TENM1: variants seen among roughly 807,000 people sequenced by gnomAD.
TENM1 encodes the protein teneurin-1.
In TENM1, 35 loss-of-function variants were observed where a neutral mutation model predicts 174.8. The ratio of observed to expected loss-of-function variants is 0.20; its 90% CI spans 0.15 to 0.27. The LOEUF is 0.27. TENM1 is among the 10% of genes least tolerant of loss of function. The probability of loss-of-function intolerance (pLI) is 1.00; values close to 1 mark genes in which losing one functional copy is unlikely to be tolerated. For missense variants in TENM1, 1,633 were observed against 2,130.1 expected (o/e 0.77, Z 4.59); for synonymous variants, 781 against 798.7 (o/e 0.98, Z 0.37).
intron 6 of TENM1, among the ~76,000 whole-genome samples, chrX:124,655,247 T>C (rs2051411446): frequency 8.9e-6 from 1 of 111,765 alleles, no homozygotes. Context: ...CAGGAGCTGG[T>C]CTGTGAGGGA....
At chrX:124,520,964 A>T (rs896292924) in intron 17 of TENM1, among the ~76,000 whole-genome samples, 180 bp from the exon 21 acceptor site, 2 of 111,352 alleles carry the variant, frequency 1.8e-5, no homozygotes, top group African/African-American at 6.5e-5. Context: ...TAGGTTTTGA[A>T]TTTTGCACCA....
intron 11 of TENM1, among the ~76,000 whole-genome samples, chrX:124,637,593 C>A (rs1237991891): frequency 9.0e-6 from 1 of 111,402 alleles, no homozygotes; most frequent in Non-Finnish European, 1.9e-5. Flanking sequence ...TCTTTAAACA[C>A]CTTAAATGGC....
chrX:124,681,714 A>G (rs886301024), intron 5 of TENM1, among the ~76,000 whole-genome samples: 2 of 111,542 alleles, frequency 1.8e-5, no homozygotes, highest in African/African-American at 6.5e-5. Context: ...ATCTTGGGTA[A>G]GTTATTCTCT....
intron 5 of TENM1, among the ~76,000 whole-genome samples, chrX:124,674,162 T>C (rs2051996438): frequency 9.2e-6 from 1 of 109,172 alleles, no homozygotes. Context: ...ACAGAGGCAA[T>C]AGTTGAAGTT....
the TENM1 span, among the ~76,000 whole-genome samples, chrX:125,037,505 C>T: frequency 1.1e-3 from 121 of 110,968 alleles, no homozygotes; most frequent in Non-Finnish European, 2.0e-3. Flanking sequence ...TTCCCGTTCA[C>T]CCTGCTGATA....
intron 22 of TENM1, among the ~76,000 whole-genome samples, chrX:124,469,269 C>T (rs2061273545): frequency 8.9e-6 from 1 of 112,099 alleles, no homozygotes; most frequent in African/African-American, 3.2e-5. Flanking sequence ...TAGTTATTAG[C>T]TTAAAAAAGT....
At chrX:125,104,313 T>C in the TENM1 span, among the ~76,000 whole-genome samples, 2 of 112,027 alleles carry the variant, frequency 1.8e-5, no homozygotes, top group Non-Finnish European at 3.8e-5. Context: ...TCCAAGCACA[T>C]TGTAGGAGGT....
intron 18 of TENM1, among the ~76,000 whole-genome samples, chrX:124,510,850 T>C (rs1602568935): frequency 9.0e-6 from 1 of 110,863 alleles, no homozygotes; most frequent in Non-Finnish European, 1.9e-5. Context: ...GTATGTTCTA[T>C]TTAATTCTGT....
chrX:125,155,132 A>G, the TENM1 span, among the ~76,000 whole-genome samples: 1 of 111,062 alleles, frequency 9.0e-6, no homozygotes, highest in Non-Finnish European at 1.9e-5. Flanking sequence ...GTTTAAATAA[A>G]TCCCTGAGCT....
intron 3 of TENM1, among the ~76,000 whole-genome samples, chrX:124,879,694 T>C (rs892731220): frequency 5.3e-5 from 6 of 112,297 alleles, no homozygotes; most frequent in Non-Finnish European, 1.1e-4. Context: ...GAAATCTCCA[T>C]ATTGCTTTCA....
intron 3 of TENM1, among the ~76,000 whole-genome samples, chrX:124,763,315 T>C (rs888698302): frequency 4.5e-5 from 5 of 111,028 alleles, no homozygotes; most frequent in Admixed American, 3.9e-4. Context: ...AATATAACAA[T>C]TAAGAGAGGG....
intron 3 of TENM1, among the ~76,000 whole-genome samples, chrX:124,839,192 G>T: frequency 8.9e-6 from 1 of 111,971 alleles, no homozygotes; most frequent in East Asian, 2.8e-4. Flanking sequence ...TGTAAAACAT[G>T]TAAAATATTT....
At chrX:124,390,712 A>C (rs1257376095) in intron 28 of TENM1, among the ~76,000 whole-genome samples, 1 of 112,069 alleles carries the variant, frequency 8.9e-6, no homozygotes, top group Non-Finnish European at 1.9e-5. Flanking sequence ...GAAGGTCATC[A>C]ATATACACCT....
At chrX:125,185,612 C>A in the TENM1 span, among the ~76,000 whole-genome samples, 2 of 112,330 alleles carry the variant, frequency 1.8e-5, no homozygotes, top group African/African-American at 6.5e-5. Context: ...GTTCAATTCT[C>A]AAAGTAAAAT....
intron 27 of TENM1, among the ~76,000 whole-genome samples, chrX:124,394,238 T>A (rs1038637299): frequency 1.8e-5 from 2 of 112,416 alleles, no homozygotes; most frequent in African/African-American, 6.5e-5. Flanking sequence ...ATTCACTAGC[T>A]ACTCAACTAA....
intron 3 of TENM1, among the ~76,000 whole-genome samples, chrX:124,842,509 C>G (rs1468275438): frequency 9.0e-6 from 1 of 111,553 alleles, no homozygotes; most frequent in Non-Finnish European, 1.9e-5. Flanking sequence ...GACTGGGTGG[C>G]TTAAATAACA....
At chrX:124,798,126 A>T (rs1012914597) in intron 3 of TENM1, among the ~76,000 whole-genome samples, 1 of 111,943 alleles carries the variant, frequency 8.9e-6, no homozygotes, top group Non-Finnish European at 1.9e-5. Flanking sequence ...AGTCTTTGCT[A>T]TTGTGAACAG....
intron 31 of TENM1, among the ~76,000 whole-genome samples, chrX:124,382,048 C>G (rs1019198849): frequency 9.0e-6 from 1 of 111,271 alleles, no homozygotes; most frequent in Non-Finnish European, 1.9e-5. Context: ...TTTATTCTAT[C>G]AAGCCCATTT....
At chrX:124,550,824 T>C (rs1340647285) in intron 14 of TENM1, among the ~76,000 whole-genome samples, 1 of 109,874 alleles carries the variant, frequency 9.1e-6, no homozygotes, top group Admixed American at 9.6e-5. Context: ...AGTGGCGTGA[T>C]CTCTGCTCAC....
Sources: gnomAD v4.1 joint callset for allele counts (sites outside exome capture counted in the v4.1 genomes callset) on GRCh38, gnomAD v4.1.1 for gene constraint, MANE v1.5 for transcripts, NCBI Gene and HGNC (gene_info 2026-07-23, HGNC 2026-07-21) for gene names.